The following ZNF638 variants were observed in gnomAD, a reference collection of about 807,000 sequenced individuals.
ZNF638 encodes the protein zinc finger protein 638, also known as CTCL tumor antigen se33-1.
Under a neutral mutation model 195.6 loss-of-function variants are expected in ZNF638, and 46 were observed. The observed-to-expected ratio is 0.24, with a 90% CI of 0.19 to 0.30. The LOEUF is 0.30. Among genes scored for constraint, ZNF638 ranks in the 10% least tolerant of loss-of-function variants. ZNF638 has a pLI of 1.00. For synonymous variants in ZNF638, 845 were observed against 772.0 expected (o/e 1.09, Z -1.57); for missense variants, 2,440 against 2,325.3 (o/e 1.05, Z -1.01).
At chr2:71,417,020 C>A (rs56656506) in intron 20 of ZNF638, among the ~76,000 whole-genome samples, 4 of 140,590 alleles carry the variant, frequency 2.8e-5, no homozygotes, top group Admixed American at 7.1e-5. Context: ...TCGAGCTTCC[C>A]GGCTGCTTTG....
intron 8 of ZNF638, among the ~76,000 whole-genome samples, chr2:71,372,284 C>T (rs1269976210): frequency 6.6e-6 from 1 of 152,112 alleles, no homozygotes; most frequent in Non-Finnish European, 1.5e-5. Context: ...CACTTTAGCC[C>T]ATGGTAGTGA....
At chr2:71,376,517 A>G (rs1230724562) in intron 8 of ZNF638, among the ~76,000 whole-genome samples, 2 of 152,222 alleles carry the variant, frequency 1.3e-5, no homozygotes, top group Non-Finnish European at 2.9e-5. Flanking sequence ...AGCTGAAAGA[A>G]CAAACTAGGA....
intron 10 of ZNF638, among the ~76,000 whole-genome samples, chr2:71,386,352 A>G (rs886895017): frequency 1.3e-5 from 2 of 151,774 alleles, no homozygotes; most frequent in African/African-American, 4.8e-5. Context: ...GTGTGTATAT[A>G]TACTTTTATT....
chr2:71,429,514 T>C (rs1212285450), intron 25 of ZNF638, among the ~76,000 whole-genome samples: 2 of 152,258 alleles, frequency 1.3e-5, no homozygotes, highest in East Asian at 1.9e-4. Flanking sequence ...TGCCAACTTA[T>C]ATTTTGTTTT....
intron 10 of ZNF638, chr2:71,388,727 A>G: frequency 8.4e-7 from 1 of 1,188,288 alleles, no homozygotes; most frequent in Non-Finnish European, 1.3e-6. Flanking sequence ...GCAGTCAGTA[A>G]GTCATTGGTG....
chr2:71,348,352 T>G, intron 1 of ZNF638: 1 of 937,988 alleles, frequency 1.1e-6, no homozygotes, highest in Non-Finnish European at 1.3e-6. Context: ...TTTCATTATT[T>G]GTATATCTGA....
intron 17 of ZNF638, among the ~76,000 whole-genome samples, chr2:71,404,941 C>T (rs2080076556): frequency 6.6e-6 from 1 of 152,098 alleles, no homozygotes; most frequent in South Asian, 2.1e-4. Context: ...AATATTATAT[C>T]CTTTCTAGAG....
chr2:71,372,441 A>T (rs991281964), intron 8 of ZNF638, among the ~76,000 whole-genome samples: 1 of 152,114 alleles, frequency 6.6e-6, no homozygotes. Flanking sequence ...ACTGAGTTCA[A>T]TGTAAAGTCC....
At chr2:71,409,703 T>C (rs1487622410) in intron 20 of ZNF638, among the ~76,000 whole-genome samples, 1 of 152,192 alleles carries the variant, frequency 6.6e-6, no homozygotes, top group Admixed American at 6.5e-5. Flanking sequence ...CATGTTACTG[T>C]GATCATCTGT....
intron 4 of ZNF638, among the ~76,000 whole-genome samples, 169 bp downstream of exon 4, chr2:71,363,360 C>T (rs2079140335): frequency 6.6e-6 from 1 of 152,120 alleles, no homozygotes; most frequent in Admixed American, 6.6e-5. Flanking sequence ...GTGACACAGC[C>T]CCTCCCCTGA....
rs138569890 is a variant in ZNF638 at position 71,391,575 on chromosome 2, A to T, written c.2378-4566A>T. Among the ~76,000 whole-genome samples the T allele has an allele frequency of 8.3e-4, 127 of 152,368 alleles. 5 individuals carry two copies. In the East Asian group the frequency reaches 0.023, roughly 28 times the overall value. On this transcript the variant is annotated intron_variant, in intron 10 of 27. Transcript: ENST00000264447. ...CCTCTGTCGTTAAGATGTTAATCAT[A>T]GCACCTGAAAAAGTACAGATGTCCT...
intron 8 of ZNF638, chr2:71,374,018 G>A (rs185055924): frequency 1.3e-5 from 2 of 152,220 alleles, no homozygotes; most frequent in African/African-American, 4.8e-5. Context: ...TAGATATGAG[G>A]TTTCACTTTG....
chr2:71,334,021 C>G (rs1019123724), intron 1 of ZNF638, among the ~76,000 whole-genome samples: 7 of 152,196 alleles, frequency 4.6e-5, no homozygotes, highest in Non-Finnish European at 1.0e-4. Flanking sequence ...GCCCTCTAAT[C>G]TAACTTTCAT....
intron 10 of ZNF638, among the ~76,000 whole-genome samples, chr2:71,386,838 TATAAG>T (rs1164625084): frequency 6.6e-6 from 1 of 152,150 alleles, no homozygotes; most frequent in Admixed American, 6.5e-5. Flanking sequence ...GCTTCACTGT[TATAAG>T]ATGCCTTTTT....
intron 8 of ZNF638, among the ~76,000 whole-genome samples, chr2:71,371,890 A>G (rs2079320352): frequency 6.6e-6 from 1 of 152,040 alleles, no homozygotes; most frequent in African/African-American, 2.4e-5. Flanking sequence ...TTTGCTCTGC[A>G]GAAGCTTTTT....
intron 6 of ZNF638, among the ~76,000 whole-genome samples, chr2:71,368,124 C>A (rs1158882423): frequency 2.6e-5 from 4 of 152,034 alleles, no homozygotes; most frequent in Non-Finnish European, 2.9e-5. Flanking sequence ...AAAAGAGCAC[C>A]TGTAAACCAT....
intron 8 of ZNF638, chr2:71,376,143 A>C (rs2079418599): frequency 1.3e-5 from 2 of 152,250 alleles, no homozygotes; most frequent in Non-Finnish European, 1.5e-5. Context: ...AGGCATATTT[A>C]CTGTCATGAT....
rs765285220 is a variant in ZNF638, at chr2:71,349,729, T to A, written c.775T>A (p.Cys259Ser). Reference sequence around the variant, plus strand: ...ATCTGTTCCCAATCCAAATGTGATATGTAATTCTATGTTTCCTGTTGAAGA... The same window carrying A: ...ATCTGTTCCCAATCCAAATGTGATAAGTAATTCTATGTTTCCTGTTGAAGA... ...SASVPNPNVI[C>S]NSMFPVEDVF... Residue 259 changes from cysteine to serine, a missense_variant, in exon 2 of 28, where the codon TGT (cysteine) becomes AGT (serine). Transcript: ENST00000264447. 6.2e-7 allele frequency: 1 copy of A among 1,614,084 alleles called. No homozygotes were observed. The highest frequency in any genetic ancestry group is 1.3e-5 in the African/African-American group (1 of 74,938).
intron 23 of ZNF638, among the ~76,000 whole-genome samples, chr2:71,426,245 C>T (rs1039115891): frequency 7.2e-5 from 11 of 152,028 alleles, no homozygotes; most frequent in African/African-American, 2.7e-4. Context: ...TAGGTTGATA[C>T]TGTTAGAATT....
Sources: allele counts gnomAD v4.1 joint callset (sites outside exome capture counted in the v4.1 genomes callset), GRCh38; gene constraint gnomAD v4.1.1; transcripts MANE v1.5; gene names NCBI Gene and HGNC (gene_info 2026-07-23, HGNC 2026-07-21).